Variants in SCAND3 observed in about 807,000 individuals in gnomAD.
The protein encoded by SCAND3 is SCAN domain containing 3, also known as SCAN domain-containing protein 3.
At chr6:28,615,171 G>A in the SCAND3 span, among the ~76,000 whole-genome samples, 1 of 152,190 alleles carries the variant, frequency 6.6e-6, no homozygotes, top group African/African-American at 2.4e-5. Flanking sequence ...CTGAACCAGT[G>A]CATAAACACA....
At chr6:28,582,837 G>A in the SCAND3 span, among the ~76,000 whole-genome samples, 110 of 151,878 alleles carry the variant, frequency 7.2e-4, no homozygotes, top group Middle Eastern at 3.4e-3. The surrounding 1 kb of genome is among the most constrained non-coding windows in gnomAD (Gnocchi z 4.8). Flanking sequence ...CAGGAGAATC[G>A]CTTGTACCAG....
At chr6:28,605,398 A>G in the SCAND3 span, among the ~76,000 whole-genome samples, 3 of 152,222 alleles carry the variant, frequency 2.0e-5, no homozygotes, top group Non-Finnish European at 2.9e-5. Flanking sequence ...AGATTTTTTT[A>G]AAGCAAGAAC....
At chr6:28,575,503 G>C in the SCAND3 span, 2 of 1,613,854 alleles carry the variant, frequency 1.2e-6, no homozygotes, top group Non-Finnish European at 1.7e-6. The surrounding 1 kb of genome is among the most constrained non-coding windows in gnomAD (Gnocchi z 4.2). Flanking sequence ...AGTTAACTTT[G>C]TACAGAGATC....
At chr6:28,607,349 C>G in the SCAND3 span, among the ~76,000 whole-genome samples, 1 of 152,104 alleles carries the variant, frequency 6.6e-6, no homozygotes, top group East Asian at 1.9e-4. Context: ...ACAGCCTTTG[C>G]AGTGTTAAGT....
chr6:28,615,354 C>T, the SCAND3 span, among the ~76,000 whole-genome samples: 31 of 152,180 alleles, frequency 2.0e-4, no homozygotes, highest in Non-Finnish European at 4.1e-4. Context: ...TGGCTCAGGC[C>T]TGTAATCCCA....
the SCAND3 span, among the ~76,000 whole-genome samples, chr6:28,595,659 C>T: frequency 0.02 from 3,095 of 151,512 alleles, 44 homozygotes; most frequent in African/African-American, 0.041. Context: ...GAGGTGGAGG[C>T]TGCAGTGAGC....
At chr6:28,572,579 A>G in the SCAND3 span, 19 of 1,613,972 alleles carry the variant, frequency 1.2e-5, no homozygotes, top group Non-Finnish European at 1.6e-5. The surrounding 1 kb of genome is among the most constrained non-coding windows in gnomAD (Gnocchi z 4.1). Flanking sequence ...TCAGACAAAT[A>G]AGCAAGTCTG....
chr6:28,585,343 G>C, the SCAND3 span: 1 of 152,172 alleles, frequency 6.6e-6, no homozygotes, highest in Non-Finnish European at 1.5e-5. Flanking sequence ...AATACACAAA[G>C]ATGGGAGGGA....
the SCAND3 span, among the ~76,000 whole-genome samples, chr6:28,603,218 A>G: frequency 6.6e-6 from 1 of 152,134 alleles, no homozygotes; most frequent in Non-Finnish European, 1.5e-5. Flanking sequence ...TCAACCTCCC[A>G]AAGTGCTGGG....
chr6:28,575,810 G>A, the SCAND3 span: 8 of 1,613,434 alleles, frequency 5.0e-6, no homozygotes, highest in South Asian at 4.4e-5. This position sits in a 1 kb window ranked among gnomAD's most constrained non-coding sequence, Gnocchi z 4.2. Flanking sequence ...AAGTAATACC[G>A]TATTTTATCT....
chr6:28,582,397 G>C, the SCAND3 span, among the ~76,000 whole-genome samples: 2 of 151,996 alleles, frequency 1.3e-5, no homozygotes, highest in Non-Finnish European at 2.9e-5. This position sits in a 1 kb window ranked among gnomAD's most constrained non-coding sequence, Gnocchi z 4.8. Context: ...TCTTAAGGGG[G>C]AAAAAAACTA....
At chr6:28,586,892 G>A in the SCAND3 span, 2 of 599,136 alleles carry the variant, frequency 3.3e-6, no homozygotes, top group Non-Finnish European at 5.8e-6. The surrounding 1 kb of genome is among the most constrained non-coding windows in gnomAD (Gnocchi z 4.4). Flanking sequence ...TGACAACACA[G>A]GGCAGTTACT....
chr6:28,586,117 G>T, the SCAND3 span, among the ~76,000 whole-genome samples: 2 of 151,966 alleles, frequency 1.3e-5, no homozygotes, highest in Admixed American at 6.6e-5. This position sits in a 1 kb window ranked among gnomAD's most constrained non-coding sequence, Gnocchi z 4.4. Context: ...TTAATTATTT[G>T]TATCATACAC....
the SCAND3 span, among the ~76,000 whole-genome samples, chr6:28,585,806 C>T: frequency 1.6e-3 from 245 of 152,192 alleles, 2 homozygotes; most frequent in Admixed American, 4.0e-3. Context: ...TTTTAAAATT[C>T]TTCTAAAAAT....
chr6:28,600,952 A>T, the SCAND3 span, among the ~76,000 whole-genome samples: 1 of 127,498 alleles, frequency 7.8e-6, no homozygotes, highest in Non-Finnish European at 1.5e-5. Context: ...TCCAGGCTGG[A>T]GTGCAGTGGC....
At chr6:28,592,689 G>A in the SCAND3 span, among the ~76,000 whole-genome samples, 148 of 152,286 alleles carry the variant, frequency 9.7e-4, no homozygotes, top group Admixed American at 2.4e-3. The surrounding 1 kb of genome is among the most constrained non-coding windows in gnomAD (Gnocchi z 4.1). Flanking sequence ...TAAAGTGATT[G>A]TAATAAGGCA....
At chr6:28,610,220 G>T in the SCAND3 span, among the ~76,000 whole-genome samples, 2 of 151,922 alleles carry the variant, frequency 1.3e-5, no homozygotes, top group Non-Finnish European at 2.9e-5. Flanking sequence ...GTGCATTATA[G>T]TAAATTAAAA....
chr6:28,615,315 C>A, the SCAND3 span, among the ~76,000 whole-genome samples: 1 of 152,134 alleles, frequency 6.6e-6, no homozygotes, highest in African/African-American at 2.4e-5. Context: ...TTCAGACCAT[C>A]TAGAAAGACT....
chr6:28,579,181 G>A, the SCAND3 span: 1 of 1,171,678 alleles, frequency 8.5e-7, no homozygotes, highest in African/African-American at 1.5e-5. This position sits in a 1 kb window ranked among gnomAD's most constrained non-coding sequence, Gnocchi z 4.5. Flanking sequence ...TTCAGTAGAA[G>A]CTGAAATGGA....
Sources: gnomAD v4.1 joint callset for allele counts (sites outside exome capture counted in the v4.1 genomes callset) on GRCh38, gnomAD v4.1.1 for gene constraint, Gnocchi (gnomAD v3.1) non-coding constraint, MANE v1.5 for transcripts, NCBI Gene and HGNC (gene_info 2026-07-23, HGNC 2026-07-21) for gene names.